PLBD2: variants seen among roughly 807,000 people sequenced by gnomAD.
PLBD2 encodes putative aminopeptidase PLBD2.
PLBD2 carries 51 observed loss-of-function variants against 68.3 expected under a neutral mutation model. The ratio of observed to expected loss-of-function variants is 0.75; its 90% confidence interval spans 0.60 to 0.94. The LOEUF is 0.94. Among genes scored for constraint, PLBD2 ranks in the 40% least tolerant of loss-of-function variants. PLBD2 has a pLI of 0.00. For missense variants in PLBD2, 729 were observed against 792.2 expected (o/e 0.92, Z 0.96); for synonymous variants, 314 against 339.3 (o/e 0.93, Z 0.82).
At chr12:113,388,316 TG>T in intron 11 of PLBD2, 142 bp from the exon 12 acceptor site, 1 of 798,834 alleles carries the variant, frequency 1.3e-6, no homozygotes, top group Non-Finnish European at 1.9e-6. Context: ...CACTCCAACC[TG>T]GGTGACAGAG....
rs1261366773 is a variant in PLBD2, at chr12:113,372,104, C to T, written c.385-545C>T. 1.3e-5 allele frequency among the ~76,000 whole-genome samples: 2 copies of T among 151,956 alleles called. No homozygotes were observed. Among genetic ancestry groups the T allele is most frequent in the African/African-American group, 4.8e-5 (2 of 41,388 alleles). ...AGCAGCAGTCATGAAGCCATCAATC[C>T]TGAGGCAGTGAGTGCTGCCACTCAC... On this transcript the variant is annotated intron_variant, in intron 2 of 11. Coordinates refer to ENST00000280800, the MANE Select transcript of PLBD2 (RefSeq NM_173542.4). This position sits in a 1 kb window ranked among gnomAD's most constrained non-coding sequence, Gnocchi z 4.2.
At chr12:113,373,781 A>G (rs1412166909) in intron 3 of PLBD2, among the ~76,000 whole-genome samples, 3 of 126,848 alleles carry the variant, frequency 2.4e-5, no homozygotes, top group Non-Finnish European at 4.7e-5. Flanking sequence ...TCATCCATCC[A>G]TCCATTTACC....
In PLBD2 at chr12:113,388,789, G is replaced by T. The variant is rs1957578731; in HGVS notation, c.*163G>T. On this transcript the variant is annotated 3_prime_UTR_variant, in exon 12 of 12. Coordinates refer to ENST00000280800, the MANE Select transcript of PLBD2 (RefSeq NM_173542.4). ...TAGAGTGGGTCACGAACCTGATGGG[G>T]CTCAGAACTGACCCCCTCTCTCCCC... 3.8e-5 allele frequency: 27 copies of T among 708,086 alleles called. No individual in the cohort carries two copies. The highest frequency in any genetic ancestry group is 5.8e-5 in the Non-Finnish European group (27 of 463,622). The allele number at this position is 708,086 out of a possible 1,614,324, so 43.9% of individuals were successfully genotyped here.
In PLBD2 at chr12:113,380,642, G is replaced by A. The variant is rs890674841; in HGVS notation, c.860-103G>A. 5 of 887,182 alleles carry A rather than the reference G, an allele frequency of 5.6e-6. No homozygotes were observed. The African/African-American group carries it at 8.3e-5, about 15-fold the overall frequency. 55.0% of individuals were successfully genotyped at this position (887,182 alleles called of 1,614,324 possible). On this transcript the variant is annotated intron_variant, in intron 5 of 11. Coordinates refer to ENST00000280800, the MANE Select transcript of PLBD2 (RefSeq NM_173542.4). ...AAAGGACACAGTGGGGGCTTCCTCG[G>A]AGGCCTGCCTGTGCCCCTGTGCCTG...
Position 113,372,876 on chromosome 12 carries a change from C to T in PLBD2, c.543+69C>T. On this transcript the variant is annotated intron_variant, in intron 3 of 11. Transcript: ENST00000280800. The surrounding 1 kb of genome is among the most constrained non-coding windows in gnomAD (Gnocchi z 4.2). ...GCCAGCCATCCTGTCTCCTGTTGTT[C>T]TGGCCAGCCTTGTGGCATGTCCAGC... 6.4e-7 allele frequency: 1 copy of T among 1,557,986 alleles called. No individual in the cohort carries two copies. Among genetic ancestry groups the T allele is most frequent in the East Asian group, 2.3e-5 (1 of 44,340 alleles).
At position 113,384,775 on chromosome 12, in the gene PLBD2, T is replaced by G. The variant is rs1330771884; in HGVS notation, c.1119-76T>G. 1.6e-6 allele frequency: 2 copies of G among 1,219,982 alleles called. No homozygotes were observed. Among genetic ancestry groups the G allele is most frequent in the Non-Finnish European group, 2.4e-6 (2 of 834,908 alleles). The allele number at this position is 1,219,982 out of a possible 1,614,324, so 75.6% of individuals were successfully genotyped here. ...CCACTTCCTGTAATTCCTAGCTGAG[T>G]GGGACACTGCAGGGTGGGGAAAGCT... On this transcript the variant is annotated intron_variant, in intron 7 of 11. Transcript: ENST00000280800. The surrounding 1 kb of genome is among the most constrained non-coding windows in gnomAD (Gnocchi z 4.2).
At chr12:113,373,273 G>C (rs1447261081) in intron 3 of PLBD2, among the ~76,000 whole-genome samples, 1 of 152,260 alleles carries the variant, frequency 6.6e-6, no homozygotes, top group Non-Finnish European at 1.5e-5. Context: ...GAGAGGCCCA[G>C]GCAGGCTCTC....
intron 1 of PLBD2, among the ~76,000 whole-genome samples, chr12:113,361,887 G>A (rs944030657): frequency 6.6e-6 from 1 of 152,120 alleles, no homozygotes; most frequent in South Asian, 2.1e-4. Flanking sequence ...TCACCATCCC[G>A]TTGAGAGAGG....
At position 113,387,690 on chromosome 12, in the gene PLBD2, G is replaced by A. The variant is rs537097435; in HGVS notation, c.1440-54G>A. 169 of 1,582,124 alleles carry A rather than the reference G, an allele frequency of 1.1e-4. 1 individual carries two copies. In the African/African-American group the frequency reaches 1.3e-3, roughly 12 times the overall value. On this transcript the variant is annotated intron_variant, in intron 10 of 11. Coordinates refer to ENST00000280800, the MANE Select transcript of PLBD2 (RefSeq NM_173542.4). ...GCTGCCTGTGAGGATTTTGGCCCCC[G>A]TCTTAGCCTCTCCTTCCTGGGATGA...
chr12:113,388,068 A>G (rs1957570883), intron 11 of PLBD2, among the ~76,000 whole-genome samples, 162 bp downstream of exon 11: 1 of 152,094 alleles, frequency 6.6e-6, no homozygotes, highest in Non-Finnish European at 1.5e-5. Flanking sequence ...TGGGCTGGGC[A>G]CGGTGGCTCA....
rs1361825283 is a variant in PLBD2, at chr12:113,384,004, A to G, written c.958-101A>G. ...AGAGTGAGACTCTATCTCAAAAAAA[A>G]AAAAAAAAAAAAAAAATTTTTGGAG... On this transcript the variant is annotated intron_variant, in intron 6 of 11. Transcript: ENST00000280800. The surrounding 1 kb of genome is among the most constrained non-coding windows in gnomAD (Gnocchi z 4.2). 5 of 1,096,392 alleles carry G rather than the reference A, an allele frequency of 4.6e-6. No individual in the cohort carries two copies. Among genetic ancestry groups the G allele is most frequent in the Non-Finnish European group, 6.1e-6 (5 of 819,930 alleles). The allele number at this position is 1,096,392 out of a possible 1,614,324, so 67.9% of individuals were successfully genotyped here. A position where few individuals can be genotyped will look rare whatever the true frequency, so the allele number is the denominator to read the frequency against.
Position 113,358,891 on chromosome 12 carries a change from G to T in PLBD2, c.290+1G>T. ...TCACCAACGCCATCCGCGAGACTGG[G>T]TAAGGGTTGGCTTATCCCCACGCGG... On this transcript the variant is annotated splice_donor_variant, in intron 1 of 11. Transcript: ENST00000280800. LOFTEE classifies it high-confidence loss of function. The T allele has an allele frequency of 8.6e-6, 13 of 1,519,468 alleles. No homozygotes were observed. Among genetic ancestry groups the T allele is most frequent in the Non-Finnish European group, 1.1e-5 (13 of 1,135,906 alleles). The allele number at this position is 1,519,468 out of a possible 1,614,324, so 94.1% of individuals were successfully genotyped here.
rs71086162 is a variant in PLBD2 at position 113,370,472 on chromosome 12, CTTTTTTTTTTTT to C, written c.384+1274_384+1285del. Among the ~76,000 whole-genome samples the C allele has an allele frequency of 1.1e-4, 11 of 103,622 alleles. No homozygotes were observed. In the South Asian group the frequency reaches 2.6e-3, roughly 25 times the overall value. The allele number at this position is 103,622 out of a possible 152,430, so 68.0% of individuals were successfully genotyped here. On this transcript the variant is annotated intron_variant, in intron 2 of 11. Coordinates refer to ENST00000280800, the MANE Select transcript of PLBD2 (RefSeq NM_173542.4). Reference sequence around the variant, plus strand: ...CCTAGTGTAATTTTCTTTTTCTTTTCTTTTTTTTTTTTTTTTTTTTTTGAGACAGAGTCTCAC... The same window carrying C: ...CCTAGTGTAATTTTCTTTTTCTTTTCTTTTTTTTTTGAGACAGAGTCTCAC...
chr12:113,367,507 T>C (rs907555995), intron 1 of PLBD2, among the ~76,000 whole-genome samples: 6 of 152,128 alleles, frequency 3.9e-5, no homozygotes, highest in African/African-American at 1.4e-4. Flanking sequence ...CCCATCACTT[T>C]GGGAGGCCGA....
At chr12:113,383,387 C>T (rs1457412203) in intron 6 of PLBD2, among the ~76,000 whole-genome samples, 5 of 152,182 alleles carry the variant, frequency 3.3e-5, no homozygotes, top group African/African-American at 1.2e-4. Flanking sequence ...ATCCCAAATC[C>T]TCCTGCGTGC....
Position 113,358,832 on chromosome 12 carries a change from G to C in PLBD2, c.232G>C (p.Gly78Arg). 6.6e-7 allele frequency: 1 copy of C among 1,515,672 alleles called. No individual in the cohort carries two copies. Among genetic ancestry groups the C allele is most frequent in the Non-Finnish European group, 8.8e-7 (1 of 1,134,050 alleles). The allele number at this position is 1,515,672 out of a possible 1,614,324, so 93.9% of individuals were successfully genotyped here. The part of the protein sequence containing the change: ...VSAGQLLMVD[G>R]RHPDAVAWAN... ...GGCGGGCCAGCTGCTTATGGTGGAC[G>C]GACGCCACCCTGACGCCGTGGCCTG... The change falls in exon 1 of 12, where the codon GGA becomes CGA. Residue 78 changes from glycine to arginine, a missense_variant. By Grantham distance (125) the Gly-to-Arg change is moderately radical. Coordinates refer to ENST00000280800, the MANE Select transcript of PLBD2 (RefSeq NM_173542.4).
chr12:113,358,716 C>T lies in PLBD2; in HGVS notation c.116C>T (p.Ala39Val). Reference sequence around the variant, plus strand: ...GTCGGGCCGTTCCTGAGCGGCCTGGCGGGGGCGATCCCAGCGCCGGGGGGC... The same window carrying T: ...GTCGGGCCGTTCCTGAGCGGCCTGGTGGGGGCGATCCCAGCGCCGGGGGGC... ...LLVGPFLSGL[A>V]GAIPAPGGRW... Residue 39 changes from alanine (A) to valine (V), a missense_variant, in exon 1 of 12, where the codon GCG (alanine) becomes GTG (valine). Physicochemically the swap from Ala to Val is moderately conservative, Grantham distance 64 (BLOSUM62 0). Coordinates refer to ENST00000280800, the MANE Select transcript of PLBD2 (RefSeq NM_173542.4). 7.2e-7 allele frequency: 1 copy of T among 1,394,746 alleles called. No homozygotes were observed. Among genetic ancestry groups the T allele is most frequent in the South Asian group, 1.6e-5 (1 of 60,762 alleles). 86.4% of individuals were successfully genotyped at this position (1,394,746 alleles called of 1,614,324 possible). A position where few individuals can be genotyped will look rare whatever the true frequency, so the allele number is the denominator to read the frequency against.
intron 10 of PLBD2, 135 bp from the exon 11 acceptor site, chr12:113,387,609 G>A (rs1193085268): frequency 7.4e-6 from 7 of 951,316 alleles, no homozygotes; most frequent in Non-Finnish European, 1.1e-5. Flanking sequence ...GAACTGTCGG[G>A]GGTAGTGTGC....
intron 8 of PLBD2, 31 bp from the exon 9 acceptor site, chr12:113,385,181 A>G (rs760178660): frequency 1.9e-6 from 3 of 1,609,552 alleles, no homozygotes; most frequent in East Asian, 2.2e-5. Context: ...TTTTCTGATC[A>G]CCTCCACCCC....
Sources: gnomAD v4.1 joint callset for allele counts (sites outside exome capture counted in the v4.1 genomes callset) on GRCh38, gnomAD v4.1.1 for gene constraint, Gnocchi (gnomAD v3.1) non-coding constraint, MANE v1.5 for transcripts, NCBI Gene and HGNC (gene_info 2026-07-23, HGNC 2026-07-21) for gene names.